LETM1: variants seen among roughly 807,000 people sequenced by gnomAD.
LETM1 encodes leucine zipper and EF-hand containing transmembrane protein 1.
Under a neutral mutation model 74.5 loss-of-function variants are expected in LETM1, and 50 were observed. The ratio of observed to expected loss-of-function variants is 0.67; its 90% CI spans 0.53 to 0.85. The LOEUF (loss-of-function observed/expected upper bound fraction) is 0.85, where lower values mean the gene tolerates loss of function less well. Ranked by LOEUF, LETM1 falls within the 40% of genes least tolerant of loss-of-function variation. The probability of loss-of-function intolerance (pLI) is 0.00; values close to 1 mark genes in which losing one functional copy is unlikely to be tolerated. For synonymous variants in LETM1, 446 were observed against 407.1 expected, an observed-to-expected ratio of 1.10 and a Z score of -1.15; for missense variants, 824 against 967.8, an observed-to-expected ratio of 0.85 and a Z score of 1.97.
chr4:1,845,799 G>GGATTACAGGCATGA (rs1309124496), intron 2 of LETM1, among the ~76,000 whole-genome samples: 4 of 148,166 alleles, frequency 2.7e-5, no homozygotes, highest in Non-Finnish European at 6.0e-5. Context: ...TGCCCGCCTC[G>GGATTACAGGCATGA]GATTACAGGC....
rs116034211 is a variant in LETM1, at chr4:1,841,793, C to A, written c.148G>T (p.Val50Phe). 1 of 1,609,604 alleles carries A rather than the reference C, an allele frequency of 6.2e-7. No homozygotes were observed. Among genetic ancestry groups the A allele is most frequent in the Non-Finnish European group, 8.5e-7 (1 of 1,178,120 alleles). The change falls in exon 3 of 14, where the codon GTT becomes TTT. Residue 50 changes from valine to phenylalanine, a missense_variant. Around this residue, in one of 4 missense-constraint regions of LETM1, gnomAD observed 222 missense variants for 195.6 expected, o/e 1.14. Coordinates refer to ENST00000302787, the MANE Select transcript of LETM1 (RefSeq NM_012318.3). ...ATGGGAGTGCAGCAGCCAAATGGAA[C>A]ATTCCTTGAAAAGGGAAGAGTGGAA... Reference protein sequence around the residue: ...STLGLRNCLNVPFGCCTPIHP... With the variant: ...STLGLRNCLNFPFGCCTPIHP...
At chr4:1,825,742 G>C in intron 6 of LETM1, 59 bp from the exon 7 acceptor site, 2 of 1,537,796 alleles carry the variant, frequency 1.3e-6, no homozygotes, top group Non-Finnish European at 8.8e-7. Flanking sequence ...GACAGTGTCT[G>C]TGTGAACACC....
chr4:1,835,983 G>C (rs1397707683), intron 4 of LETM1, among the ~76,000 whole-genome samples: 1 of 152,184 alleles, frequency 6.6e-6, no homozygotes, highest in Non-Finnish European at 1.5e-5. Context: ...GCTAAGACAA[G>C]AGGATCACTT....
Position 1,835,102 on chromosome 4 carries a change from C to T in LETM1, c.739-120G>A, listed in dbSNP as rs1267517172. ...AAACATTTCACAACACACTGACTCT[C>T]ATCTAAGTGCAATACATTCTCAAAC... On this transcript the variant is annotated intron_variant, in intron 4 of 13. Coordinates refer to ENST00000302787, the MANE Select transcript of LETM1 (RefSeq NM_012318.3). 91 of 898,160 alleles carry T rather than the reference C, an allele frequency of 1.0e-4. No homozygotes were observed. In the East Asian group the frequency reaches 2.2e-3, roughly 22 times the overall value. The allele number at this position is 898,160 out of a possible 1,614,324, so 55.6% of individuals were successfully genotyped here.
chr4:1,830,752 G>A (rs1712236937), intron 6 of LETM1, among the ~76,000 whole-genome samples: 1 of 152,018 alleles, frequency 6.6e-6, no homozygotes, highest in East Asian at 1.9e-4. Context: ...CTGCGCTGGT[G>A]GCTGTTTGAG....
At chr4:1,825,104 A>G (rs1358645796) in intron 7 of LETM1, among the ~76,000 whole-genome samples, 1 of 152,210 alleles carries the variant, frequency 6.6e-6, no homozygotes, top group Non-Finnish European at 1.5e-5. Context: ...AAGCCACTCA[A>G]TTTGATGGCA....
chr4:1,842,801 T>A (rs537006415), intron 2 of LETM1, among the ~76,000 whole-genome samples: 1 of 152,236 alleles, frequency 6.6e-6, no homozygotes, highest in Non-Finnish European at 1.5e-5. Context: ...AGACCATGCC[T>A]GGCCCAGAAC....
At chr4:1,826,680 T>C (rs1712000106) in intron 6 of LETM1, among the ~76,000 whole-genome samples, 1 of 152,272 alleles carries the variant, frequency 6.6e-6, no homozygotes. Context: ...TTCTGCAGCA[T>C]GCGTGCCCTC....
intron 6 of LETM1, among the ~76,000 whole-genome samples, chr4:1,826,096 C>T: frequency 6.6e-6 from 1 of 152,238 alleles, no homozygotes; most frequent in East Asian, 1.9e-4. Context: ...CAAAGGGCCC[C>T]TCTCTTCTGC....
intron 13 of LETM1, 121 bp from the exon 14 acceptor site, chr4:1,814,694 G>A: frequency 2.6e-6 from 2 of 776,250 alleles, no homozygotes; most frequent in South Asian, 1.6e-5. Context: ...CGCAATCACT[G>A]CCTGCGGGCC....
intron 2 of LETM1, among the ~76,000 whole-genome samples, chr4:1,844,216 C>T (rs142766830): frequency 1.2e-4 from 18 of 152,230 alleles, no homozygotes; most frequent in African/African-American, 2.4e-5. Context: ...TAACATCCCC[C>T]GGCAAATCCC....
intron 2 of LETM1, among the ~76,000 whole-genome samples, chr4:1,844,865 T>C (rs1269084523): frequency 8.4e-6 from 1 of 118,796 alleles, no homozygotes; most frequent in Non-Finnish European, 1.6e-5. Flanking sequence ...CTGGGCAACA[T>C]AGTGAGACCC....
chr4:1,834,682 AC>A lies in LETM1; in HGVS notation c.876+162del. On this transcript the variant is annotated intron_variant, in intron 5 of 13. Transcript: ENST00000302787. This position sits in a 1 kb window ranked among gnomAD's most constrained non-coding sequence, Gnocchi z 5.0. Reference sequence around the variant, plus strand: ...ACTCACTGGGAGCTCGTGGGGGCAGACTCCTGACACTCCACTGGCCCCCGAC... The same window carrying A: ...ACTCACTGGGAGCTCGTGGGGGCAGATCCTGACACTCCACTGGCCCCCGAC... 6.9e-7 allele frequency: 1 copy of A among 1,457,604 alleles called. No homozygotes were observed. Among genetic ancestry groups the A allele is most frequent in the Admixed American group, 2.6e-5 (1 of 37,796 alleles). The allele number at this position is 1,457,604 out of a possible 1,614,324, so 90.3% of individuals were successfully genotyped here.
chr4:1,844,543 C>T (rs923803043), intron 2 of LETM1, among the ~76,000 whole-genome samples: 3 of 152,106 alleles, frequency 2.0e-5, no homozygotes, highest in Non-Finnish European at 4.4e-5. Flanking sequence ...ACCAGCTTGG[C>T]CAACATAGTG....
chr4:1,818,151 C>CGAGGG (rs1302935326), intron 11 of LETM1, among the ~76,000 whole-genome samples: 1 of 151,844 alleles, frequency 6.6e-6, no homozygotes, highest in Non-Finnish European at 1.5e-5. Flanking sequence ...ATGGGGAAGG[C>CGAGGG]GAGGGGAGGG....
chr4:1,817,245 CAAAAA>C (rs60805612), intron 11 of LETM1, among the ~76,000 whole-genome samples: 1 of 66,066 alleles, frequency 1.5e-5, no homozygotes, highest in Non-Finnish European at 2.7e-5. Context: ...ACTCTGTCTC[CAAAAA>C]AAAAAAAAAA....
Position 1,823,764 on chromosome 4 carries a change from C to A in LETM1, c.1212G>T (p.Leu404=), listed in dbSNP as rs1711882851. The A allele has an allele frequency of 1.2e-6, 2 of 1,609,556 alleles. No homozygotes were observed. The highest frequency in any genetic ancestry group is 1.7e-6 in the Non-Finnish European group (2 of 1,177,250). ...LRGQLKQWLD[L]HLHQEIPTSL... is the part of the protein sequence containing the mutation. ...ATGTGGGGATCTCCTGATGCAGGTG[C>A]AGGTCCAGCCACTGCAACCAAGGCC... The change falls in exon 8 of 14, where the codon CTG becomes CTT. Residue 404 remains leucine, a synonymous_variant. Coordinates refer to ENST00000302787, the MANE Select transcript of LETM1 (RefSeq NM_012318.3).
At chr4:1,825,718 A>G (rs748297334) in intron 6 of LETM1, 35 bp from the exon 7 acceptor site, 1 of 1,581,650 alleles carries the variant, frequency 6.3e-7, no homozygotes, top group South Asian at 1.1e-5. Context: ...CATCTGGGAC[A>G]GTTGCTGGTG....
chr4:1,825,705 TATC>T (rs1560484419), intron 6 of LETM1, 22 bp from the exon 7 acceptor site: 1 of 1,602,784 alleles, frequency 6.2e-7, no homozygotes, highest in Admixed American at 1.7e-5. Flanking sequence ...AGCAGTGAAT[TATC>T]ATCTGGGACA....
Sources: allele counts gnomAD v4.1 joint callset (sites outside exome capture counted in the v4.1 genomes callset), GRCh38; gene constraint gnomAD v4.1.1; regional missense constraint gnomAD v4.1.1; non-coding constraint Gnocchi (gnomAD v3.1); transcripts MANE v1.5; gene names NCBI Gene and HGNC (gene_info 2026-07-23, HGNC 2026-07-21).